Variants in DNAJA4 observed in about 807,000 individuals in gnomAD.
DNAJA4 encodes the protein dnaJ homolog subfamily A member 4.
DNAJA4 carries 32 observed loss-of-function variants against 39.7 expected under a neutral mutation model. The ratio of observed to expected loss-of-function variants is 0.81; its 90% CI spans 0.61 to 1.08. The LOEUF is 1.08. Among genes scored for constraint, DNAJA4 ranks in the 50% least tolerant of loss-of-function variants. The probability of loss-of-function intolerance (pLI) is 0.00; values close to 1 mark genes in which losing one functional copy is unlikely to be tolerated. For missense variants in DNAJA4, 439 were observed against 505.1 expected (o/e 0.87, Z 1.25); for synonymous variants, 184 against 182.4 (o/e 1.01, Z -0.07).
At chr15:78,266,194 G>C in intron 1 of DNAJA4, 2 of 1,610,802 alleles carry the variant, frequency 1.2e-6, no homozygotes, top group Non-Finnish European at 1.7e-6. Flanking sequence ...CTCCTTTAAG[G>C]AGAGCTTGTA....
upstream of DNAJA4, chr15:78,264,469 G>T (rs1049625513): frequency 7.5e-7 from 1 of 1,325,110 alleles, no homozygotes; most frequent in South Asian, 1.9e-5. Context: ...CGGAACCTCC[G>T]CGAAGGTTCT....
At chr15:78,269,626 G>T (rs981474942) in intron 1 of DNAJA4, among the ~76,000 whole-genome samples, 2 of 152,046 alleles carry the variant, frequency 1.3e-5, no homozygotes, top group African/African-American at 2.4e-5. Flanking sequence ...CCATAGTAAA[G>T]TTATCAAATT....
In DNAJA4 at chr15:78,282,101, G is replaced by A. The variant is rs2049676513; in HGVS notation, c.*1641G>A. ...GTAAAATTACATTCAGCTCCTTCTT[G>A]TCATATAAAAGGAATTTGGAGGGTG... is the stretch of plus-strand genomic sequence containing the variant. On this transcript the variant is annotated 3_prime_UTR_variant, in exon 7 of 7. Coordinates refer to ENST00000394852, the MANE Select transcript of DNAJA4 (RefSeq NM_001130182.2). 6.6e-6 allele frequency: 1 copy of A among 152,166 alleles called. No homozygotes were observed. The highest frequency in any genetic ancestry group is 2.1e-4 in the South Asian group (1 of 4,830). 9.4% of individuals were successfully genotyped at this position (152,166 alleles called of 1,614,324 possible). A position where few individuals can be genotyped will look rare whatever the true frequency, so the allele number is the denominator to read the frequency against.
rs188733177 is a variant in DNAJA4, at chr15:78,270,701, A to G, written c.313+24A>G. ...AGGTAAATGCTTTTAAAGAAACATA[A>G]ATAAGTTGTATGGTTTCCACAATTA... On this transcript the variant is annotated intron_variant, in intron 2 of 6. Coordinates refer to ENST00000394852, the MANE Select transcript of DNAJA4 (RefSeq NM_001130182.2). The G allele has an allele frequency of 3.5e-4, 559 of 1,606,414 alleles. 2 individuals are homozygous for G. The highest frequency in any genetic ancestry group is 2.0e-3 in the Middle Eastern group (12 of 6,024).
Position 78,270,531 on chromosome 15 carries a change from C to T in DNAJA4, c.167C>T (p.Ser56Leu). 1 of 1,614,126 alleles carries T rather than the reference C, an allele frequency of 6.2e-7. No individual in the cohort carries two copies. The highest frequency in any genetic ancestry group is 8.5e-7 in the Non-Finnish European group (1 of 1,180,014). ...KLISQAYEVL[S>L]DPKKRDVYDQ... Reference sequence around the variant, plus strand: ...ATATCCCAGGCATATGAAGTGCTTTCAGATCCAAAGAAAAGGGATGTTTAT... The same window carrying T: ...ATATCCCAGGCATATGAAGTGCTTTTAGATCCAAAGAAAAGGGATGTTTAT... The change falls in exon 2 of 7, where the codon TCA (serine) becomes TTA (leucine). Residue 56 changes from serine to leucine, a missense_variant. Physicochemically the swap from Ser to Leu is moderately radical, Grantham distance 145 (BLOSUM62 -2). Coordinates refer to ENST00000394852, the MANE Select transcript of DNAJA4 (RefSeq NM_001130182.2).
chr15:78,264,400 G>A (rs913524108), upstream of DNAJA4: 8 of 1,391,178 alleles, frequency 5.8e-6, no homozygotes, highest in African/African-American at 9.1e-5. Flanking sequence ...CCAGGTGAGC[G>A]GCTGGGCCGC....
intron 1 of DNAJA4, among the ~76,000 whole-genome samples, chr15:78,268,126 A>G (rs1432249946): frequency 1.3e-5 from 2 of 152,168 alleles, no homozygotes; most frequent in African/African-American, 4.8e-5. Flanking sequence ...TCATTCTATT[A>G]AGTCTAAATG....
chr15:78,268,585 T>G (rs10152977), intron 1 of DNAJA4, among the ~76,000 whole-genome samples: 56,108 of 151,908 alleles, frequency 0.37, 10,636 homozygotes, highest in Middle Eastern at 0.43. Context: ...TGAATATTTT[T>G]TGGAGCCAGC....
chr15:78,268,546 A>G (rs1022988527), intron 1 of DNAJA4, among the ~76,000 whole-genome samples: 2 of 152,092 alleles, frequency 1.3e-5, no homozygotes, highest in Non-Finnish European at 2.9e-5. Flanking sequence ...TCTCTCTCAA[A>G]TTCCTTATTT....
chr15:78,276,584 T>C (rs1213268421), intron 5 of DNAJA4, among the ~76,000 whole-genome samples: 1 of 152,252 alleles, frequency 6.6e-6, no homozygotes, highest in East Asian at 1.9e-4. Context: ...TGAATAGCAC[T>C]AAGGTCAGCT....
At chr15:78,273,416 T>TA (rs2049357712) in intron 3 of DNAJA4, among the ~76,000 whole-genome samples, 1 of 152,278 alleles carries the variant, frequency 6.6e-6, no homozygotes, top group South Asian at 2.1e-4. Flanking sequence ...TATTTCTTTT[T>TA]ATGTTTTTGT....
intron 2 of DNAJA4, among the ~76,000 whole-genome samples, chr15:78,272,103 G>GA (rs1304734579): frequency 1.3e-5 from 2 of 152,156 alleles, no homozygotes; most frequent in Non-Finnish European, 2.9e-5. Flanking sequence ...TTGGGAGGCC[G>GA]AGGTGGGTGG....
chr15:78,277,525 A>G (rs766016936), intron 5 of DNAJA4, among the ~76,000 whole-genome samples: 12 of 152,192 alleles, frequency 7.9e-5, no homozygotes, highest in Non-Finnish European at 1.3e-4. Flanking sequence ...GAGTTTGAGG[A>G]TCACAGTTTA....
rs757860929 is a variant in DNAJA4 at position 78,280,425 on chromosome 15, G to A, written c.1159G>A (p.Gly387Arg). 26 of 1,613,132 alleles carry A rather than the reference G, an allele frequency of 1.6e-5. No individual in the cohort carries two copies. The East Asian group carries it at 2.9e-4, about 18-fold the overall frequency. Residue 387 changes from glycine to arginine, a missense_variant, in exon 7 of 7, where the codon GGG becomes AGG. Transcript: ENST00000394852. ...GGAGGCCTACGAGGAGGACGAAGAC[G>A]GGCCCCAGGCTGGAGTGCAGTGCCA... is the stretch of plus-strand genomic sequence containing the variant. ...HREAYEEDED[G>R]PQAGVQCQTA is the part of the protein sequence containing the mutation.
chr15:78,277,600 G>A (rs1271275549), intron 5 of DNAJA4, among the ~76,000 whole-genome samples: 2 of 152,152 alleles, frequency 1.3e-5, no homozygotes, highest in Middle Eastern at 3.2e-3. Context: ...ATGCCCTTAC[G>A]TGGTCACAGC....
upstream of DNAJA4, chr15:78,264,445 C>T (rs1473948057): frequency 3.0e-6 from 4 of 1,325,362 alleles, no homozygotes; most frequent in South Asian, 5.6e-5. Flanking sequence ...GCCGCGAACC[C>T]GCCGCGGGGC....
chr15:78,274,338 G>T lies in DNAJA4; in HGVS notation c.560G>T (p.Arg187Leu). ...VCIECKGQGE[R>L]INPKDRCESC... The stretch of plus-strand genomic sequence containing the variant: ...ATCGAGTGCAAGGGCCAGGGTGAGC[G>T]CATCAACCCCAAGGACCGCTGCGAG... The change falls in exon 4 of 7, where the codon CGC becomes CTC. Residue 187 changes from arginine (R) to leucine (L), a missense_variant. Arg to Leu is a moderately radical substitution (Grantham distance 102). Transcript: ENST00000394852. 1 of 1,614,200 alleles carries T rather than the reference G, an allele frequency of 6.2e-7. No homozygotes were observed. The highest frequency in any genetic ancestry group is 8.5e-7 in the Non-Finnish European group (1 of 1,180,048).
At chr15:78,266,111 C>T in intron 1 of DNAJA4, 1 of 829,420 alleles carries the variant, frequency 1.2e-6, no homozygotes, top group Non-Finnish European at 1.9e-6. Flanking sequence ...CTTTTAAAGG[C>T]ACTGGCGTTT....
upstream of DNAJA4, chr15:78,264,385 G>C: frequency 2.1e-6 from 3 of 1,436,564 alleles, no homozygotes; most frequent in Admixed American, 2.8e-5. Flanking sequence ...AGACGCCCGA[G>C]AAGCCCAGGT....
Sources: gnomAD v4.1 joint callset for allele counts (sites outside exome capture counted in the v4.1 genomes callset) on GRCh38, gnomAD v4.1.1 for gene constraint, MANE v1.5 for transcripts, NCBI Gene and HGNC (gene_info 2026-07-23, HGNC 2026-07-21) for gene names.